The following TM9SF2 variants were observed in gnomAD, a reference collection of about 807,000 sequenced individuals.
TM9SF2 encodes transmembrane 9 superfamily member 2, also known as 76 kDa membrane protein.
In TM9SF2, 13 loss-of-function variants were observed where a neutral mutation model predicts 84.9. The observed-to-expected ratio is 0.15, with a 90% CI of 0.10 to 0.24. The LOEUF is 0.24. TM9SF2 is among the 10% of genes least tolerant of loss of function. TM9SF2 has a pLI of 1.00. For synonymous variants in TM9SF2, 273 were observed against 285.8 expected, an observed-to-expected ratio of 0.96 and a Z score of 0.45; for missense variants, 562 against 818.5, an observed-to-expected ratio of 0.69 and a Z score of 3.82.
At position 99,562,794 on chromosome 13, in the gene TM9SF2, T is replaced by G. The variant is rs1184549595; in HGVS notation, c.*36T>G. 1 of 1,595,590 alleles carries G rather than the reference T, an allele frequency of 6.3e-7. No individual in the cohort carries two copies. On this transcript the variant is annotated 3_prime_UTR_variant, in exon 17 of 17. Coordinates refer to ENST00000376387, the MANE Select transcript of TM9SF2 (RefSeq NM_004800.3). Reference sequence around the variant, plus strand: ...TGTGTCCAGTTAAAACAGAAATAAATTAAACTCTTCATCAACAAAGACCTG... The same window carrying G: ...TGTGTCCAGTTAAAACAGAAATAAAGTAAACTCTTCATCAACAAAGACCTG...
chr13:99,537,654 CTTG>C lies in TM9SF2; in HGVS notation c.592-80_592-78del, dbSNP rs970241720. The C allele has an allele frequency of 1.9e-4, 208 of 1,083,560 alleles. 1 individual carries two copies. The East Asian group carries it at 5.3e-3, about 28-fold the overall frequency. 67.1% of individuals were successfully genotyped at this position (1,083,560 alleles called of 1,614,324 possible). A position where few individuals can be genotyped will look rare whatever the true frequency, so the allele number is the denominator to read the frequency against. ...TTCCATTCAAACTTAAATTTTCTTA[CTTG>C]TTGTAGCCCATTTTAAAGTTTTAAG... On this transcript the variant is annotated intron_variant, in intron 5 of 16. Coordinates refer to ENST00000376387, the MANE Select transcript of TM9SF2 (RefSeq NM_004800.3).
chr13:99,548,920 A>G (rs1168084121), intron 11 of TM9SF2, among the ~76,000 whole-genome samples: 1 of 152,200 alleles, frequency 6.6e-6, no homozygotes, highest in African/African-American at 2.4e-5. Context: ...GGGGAAAAGA[A>G]GAACTGATCT....
At chr13:99,509,064 A>C (rs1007929401) in intron 1 of TM9SF2, among the ~76,000 whole-genome samples, 1 of 152,220 alleles carries the variant, frequency 6.6e-6, no homozygotes, top group Non-Finnish European at 1.5e-5. Context: ...CCTTCTACCT[A>C]TGAGCCTGTA....
chr13:99,504,080 C>G (rs2046078859), intron 1 of TM9SF2, among the ~76,000 whole-genome samples: 1 of 152,154 alleles, frequency 6.6e-6, no homozygotes, highest in Non-Finnish European at 1.5e-5. Context: ...TTGAAATACA[C>G]TTTAATATTT....
chr13:99,518,879 G>T (rs1487586175), intron 2 of TM9SF2, among the ~76,000 whole-genome samples: 4 of 151,274 alleles, frequency 2.6e-5, no homozygotes, highest in Admixed American at 1.3e-4. Context: ...CTCCCAAGGT[G>T]CTGGGATTAC....
chr13:99,546,950 A>G, intron 10 of TM9SF2, 35 bp from the exon 11 acceptor site: 1 of 1,613,646 alleles, frequency 6.2e-7, no homozygotes, highest in Non-Finnish European at 8.5e-7. Context: ...AAACAGAGTA[A>G]TAACATGTAC....
intron 3 of TM9SF2, among the ~76,000 whole-genome samples, chr13:99,524,876 AT>A (rs1350236750): frequency 1.3e-5 from 2 of 151,728 alleles, no homozygotes; most frequent in Admixed American, 6.5e-5. Flanking sequence ...ACCTGGTTTT[AT>A]AGGTCGGGAG....
chr13:99,535,456 A>G (rs913521496), intron 4 of TM9SF2, among the ~76,000 whole-genome samples: 1 of 152,212 alleles, frequency 6.6e-6, no homozygotes, highest in Non-Finnish European at 1.5e-5. Flanking sequence ...GGATTCGTTA[A>G]GCTTTCAGAA....
At chr13:99,533,324 ACT>A (rs1244192881) in intron 4 of TM9SF2, among the ~76,000 whole-genome samples, 1 of 152,206 alleles carries the variant, frequency 6.6e-6, no homozygotes. Context: ...CAGAACTAAC[ACT>A]ATTATTTCTC....
chr13:99,520,679 G>A (rs1004033763), intron 3 of TM9SF2, among the ~76,000 whole-genome samples: 3 of 151,994 alleles, frequency 2.0e-5, no homozygotes, highest in South Asian at 2.1e-4. Context: ...AGCAATTCTC[G>A]TGCCTCAGCT....
chr13:99,541,849 C>CT (rs1170804389), intron 9 of TM9SF2, 182 bp downstream of exon 9: 1 of 452,698 alleles, frequency 2.2e-6, no homozygotes, highest in African/African-American at 2.1e-5. Flanking sequence ...GAAAGTGATA[C>CT]TTAAGAATTA....
intron 3 of TM9SF2, among the ~76,000 whole-genome samples, chr13:99,522,507 T>C: frequency 6.6e-6 from 1 of 152,236 alleles, no homozygotes; most frequent in Admixed American, 6.5e-5. Context: ...CTCTTCCCTC[T>C]TGGGGTATTT....
chr13:99,511,924 A>G (rs2046115153), intron 1 of TM9SF2, among the ~76,000 whole-genome samples: 1 of 152,216 alleles, frequency 6.6e-6, no homozygotes, highest in Non-Finnish European at 1.5e-5. Context: ...TCCTCGTGTT[A>G]AAGAAGCAAG....
At chr13:99,560,903 G>A (rs999940336) in intron 16 of TM9SF2, among the ~76,000 whole-genome samples, 5 of 151,958 alleles carry the variant, frequency 3.3e-5, no homozygotes, top group African/African-American at 9.7e-5. Flanking sequence ...GGATGGTCTC[G>A]AACCCCTGAC....
In TM9SF2 at chr13:99,562,908, A is replaced by T. The variant is rs138527784; in HGVS notation, c.*150A>T. 8.7e-5 allele frequency: 55 copies of T among 635,680 alleles called. No homozygotes were observed. The African/African-American group carries it at 9.4e-4, about 11-fold the overall frequency. 39.4% of individuals were successfully genotyped at this position (635,680 alleles called of 1,614,324 possible). A position where few individuals can be genotyped will look rare whatever the true frequency, so the allele number is the denominator to read the frequency against. On this transcript the variant is annotated 3_prime_UTR_variant, in exon 17 of 17. Coordinates refer to ENST00000376387, the MANE Select transcript of TM9SF2 (RefSeq NM_004800.3). ...ATTCTAAATAAACCTCTTCCCATAC[A>T]CCTTTCCCCCATAAGATGTGTCTTC... is the stretch of plus-strand genomic sequence containing the variant.
chr13:99,549,808 T>G (rs768068809), intron 12 of TM9SF2, among the ~76,000 whole-genome samples: 3 of 152,158 alleles, frequency 2.0e-5, no homozygotes, highest in Non-Finnish European at 4.4e-5. Context: ...AACTGACACG[T>G]GAACAGGCTA....
At chr13:99,536,527 G>GT (rs2046235306) in intron 4 of TM9SF2, 81 bp from the exon 5 acceptor site, 1 of 1,512,184 alleles carries the variant, frequency 6.6e-7, no homozygotes, top group Admixed American at 2.0e-5. Context: ...ATTTTACAAA[G>GT]TGATGACACT....
rs1425324727 is a variant in TM9SF2 at position 99,501,759 on chromosome 13, AAAG to A, written c.155_157del (p.Lys52del). 25 of 1,611,282 alleles carry A rather than the reference AAAG, an allele frequency of 1.6e-5. No individual in the cohort carries two copies. Among genetic ancestry groups the A allele is most frequent in the Non-Finnish European group, 1.9e-5 (22 of 1,179,460 alleles). On this transcript the variant is annotated inframe_deletion, in exon 1 of 17. Transcript: ENST00000376387. ...CCGTCAACTTCTGCGACGAAGAAAA[AAAG>A]AGCGACGAGTGCAAGGTGGGTGAGG...
intron 1 of TM9SF2, among the ~76,000 whole-genome samples, chr13:99,502,553 T>A (rs1370782972): frequency 1.3e-5 from 2 of 152,214 alleles, no homozygotes; most frequent in African/African-American, 4.8e-5. Flanking sequence ...CTAGGGCAAG[T>A]CTTGAAAACT....
Sources: gnomAD v4.1 joint callset for allele counts (sites outside exome capture counted in the v4.1 genomes callset) on GRCh38, gnomAD v4.1.1 for gene constraint, MANE v1.5 for transcripts, NCBI Gene and HGNC (gene_info 2026-07-23, HGNC 2026-07-21) for gene names.